The following LRRC37A3 variants were observed in gnomAD, a reference collection of about 807,000 sequenced individuals.
LRRC37A3 encodes the protein leucine rich repeat containing 37 member A3, also known as leucine-rich repeat-containing protein 37A3.
Under a neutral mutation model 106.2 loss-of-function variants are expected in LRRC37A3, and 25 were observed. The observed-to-expected ratio is 0.24, with a 90% CI of 0.17 to 0.33. LRRC37A3 has a LOEUF of 0.33. LRRC37A3 is among the 10% of genes least tolerant of loss of function. LRRC37A3 has a pLI of 1.00. For synonymous variants in LRRC37A3, 305 were observed against 635.8 expected (o/e 0.48, Z 7.83); for missense variants, 712 against 1,644.9 (o/e 0.43, Z 9.81).
intron 2 of LRRC37A3, among the ~76,000 whole-genome samples, chr17:64,904,348 G>A (rs1216629586): frequency 9.8e-5 from 15 of 152,372 alleles, no homozygotes; most frequent in Admixed American, 5.2e-4. Context: ...GGTGGCGCAC[G>A]CCTGTAGTCC....
chr17:64,864,201 C>T (rs1421576274), intron 10 of LRRC37A3, among the ~76,000 whole-genome samples: 3 of 151,982 alleles, frequency 2.0e-5, no homozygotes, highest in Non-Finnish European at 2.9e-5. Context: ...AGGCCATCTG[C>T]GGTTACGAGG....
intron 8 of LRRC37A3, among the ~76,000 whole-genome samples, chr17:64,880,470 G>A (rs1395078601): frequency 6.6e-6 from 1 of 152,164 alleles, no homozygotes; most frequent in East Asian, 1.9e-4. Flanking sequence ...TAGATTCACA[G>A]TAGATGATCA....
At chr17:64,869,273 A>C in intron 8 of LRRC37A3, 107 bp from the exon 9 acceptor site, 1 of 1,570,100 alleles carries the variant, frequency 6.4e-7, no homozygotes, top group Non-Finnish European at 8.6e-7. Flanking sequence ...AAAAAGAAAA[A>C]AATGTTTCCT....
chr17:64,865,894 G>T (rs1973052062), intron 10 of LRRC37A3, among the ~76,000 whole-genome samples: 1 of 152,116 alleles, frequency 6.6e-6, no homozygotes, highest in African/African-American at 2.4e-5. Flanking sequence ...CTTCAATCTA[G>T]AACTGTTCCC....
intron 10 of LRRC37A3, chr17:64,863,251 T>A (rs983395215): frequency 2.5e-5 from 14 of 558,678 alleles, no homozygotes; most frequent in Non-Finnish European, 4.5e-5. Context: ...GGGATTAGAA[T>A]TGGGTGACAG....
chr17:64,865,171 G>T (rs1973018624), intron 10 of LRRC37A3, among the ~76,000 whole-genome samples: 1 of 152,262 alleles, frequency 6.6e-6, no homozygotes, highest in East Asian at 1.9e-4. Context: ...TTGAGGCCAG[G>T]TCTCACTCTG....
intron 8 of LRRC37A3, among the ~76,000 whole-genome samples, chr17:64,869,486 A>G (rs1973230169): frequency 6.6e-6 from 1 of 151,952 alleles, no homozygotes; most frequent in African/African-American, 2.4e-5. Flanking sequence ...CTGACTGCGG[A>G]GGAAACAGTA....
At chr17:64,915,366 A>T (rs1180410123) in intron 2 of LRRC37A3, among the ~76,000 whole-genome samples, 3 of 151,974 alleles carry the variant, frequency 2.0e-5, no homozygotes, top group Admixed American at 6.5e-5. Context: ...AACCATGGCC[A>T]ATCCACTACC....
Position 64,870,370 on chromosome 17 carries a change from C to A in LRRC37A3, c.2907-1204G>T, listed in dbSNP as rs570917391. On this transcript the variant is annotated intron_variant, in intron 8 of 14. Coordinates refer to ENST00000584306, the MANE Select transcript of LRRC37A3 (RefSeq NM_199340.5). Reference sequence around the variant, plus strand: ...TAAAATGAATAAATTGATTTTGATGCAAATTTTTATTCCAAAATGCTGGAA... The same window carrying A: ...TAAAATGAATAAATTGATTTTGATGAAAATTTTTATTCCAAAATGCTGGAA... 2.6e-5 allele frequency among the ~76,000 whole-genome samples: 4 copies of A among 152,128 alleles called. No individual in the cohort carries two copies. The East Asian group carries it at 7.7e-4, about 29-fold the overall frequency.
At chr17:64,872,038 A>G (rs1208770519) in intron 8 of LRRC37A3, among the ~76,000 whole-genome samples, 2 of 149,560 alleles carry the variant, frequency 1.3e-5, no homozygotes, top group Non-Finnish European at 3.0e-5. Flanking sequence ...AGGCTGAGGC[A>G]GGAGAATTGT....
intron 2 of LRRC37A3, chr17:64,909,786 G>C (rs1974543837): frequency 6.6e-6 from 1 of 152,178 alleles, no homozygotes. Context: ...AACTGCTAAG[G>C]AAGTCAAGTG....
At chr17:64,899,597 C>G (rs1328648469) in intron 2 of LRRC37A3, among the ~76,000 whole-genome samples, 1 of 145,626 alleles carries the variant, frequency 6.9e-6, no homozygotes, top group Non-Finnish European at 1.5e-5. Context: ...ACCCAAGATA[C>G]GTGGGAGATA....
At chr17:64,892,448 G>GT (rs1230607179) in intron 5 of LRRC37A3, 81 bp downstream of exon 5, 10 of 638,814 alleles carry the variant, frequency 1.6e-5, no homozygotes, top group Non-Finnish European at 2.6e-5. Context: ...TTCCTCAGAG[G>GT]TACCGACCTC....
intron 8 of LRRC37A3, among the ~76,000 whole-genome samples, chr17:64,884,356 T>C (rs140820146): frequency 6.6e-6 from 1 of 151,492 alleles, no homozygotes; most frequent in Non-Finnish European, 1.5e-5. Flanking sequence ...TGATTATTAT[T>C]ATTATTATTA....
intron 2 of LRRC37A3, among the ~76,000 whole-genome samples, chr17:64,917,324 A>C (rs1272179316): frequency 1.3e-5 from 2 of 151,428 alleles, no homozygotes; most frequent in African/African-American, 2.4e-5. Context: ...CTCTTCATAC[A>C]TTTGCAGGTA....
At chr17:64,878,110 C>T (rs1973575904) in intron 8 of LRRC37A3, among the ~76,000 whole-genome samples, 1 of 152,106 alleles carries the variant, frequency 6.6e-6, no homozygotes, top group Non-Finnish European at 1.5e-5. Context: ...ACAATTTTTT[C>T]CTCTCCAAAC....
At chr17:64,865,342 C>T (rs1395102487) in intron 10 of LRRC37A3, among the ~76,000 whole-genome samples, 1 of 152,176 alleles carries the variant, frequency 6.6e-6, no homozygotes, top group Non-Finnish European at 1.5e-5. Flanking sequence ...TGGGGTTTCA[C>T]CATGTTGTCC....
Position 64,855,835 on chromosome 17 carries a change from T to C in LRRC37A3, c.4859+5A>G. The C allele has an allele frequency of 6.2e-7, 1 of 1,611,682 alleles. No homozygotes were observed. The highest frequency in any genetic ancestry group is 8.5e-7 in the Non-Finnish European group (1 of 1,179,636). On this transcript the variant is annotated splice_donor_5th_base_variant and intron_variant, in intron 14 of 14. Coordinates refer to ENST00000584306, the MANE Select transcript of LRRC37A3 (RefSeq NM_199340.5). ...AGAAAAAAAAATCACCAGACTAATA[T>C]TTACCTTGAGAATCCTTCTTCATCT...
intron 2 of LRRC37A3, among the ~76,000 whole-genome samples, chr17:64,915,844 T>C (rs865777374): frequency 3.3e-4 from 51 of 152,320 alleles, no homozygotes; most frequent in South Asian, 8.3e-4. Flanking sequence ...ATGCCTGTAA[T>C]CCCAGCACTT....
Sources: gnomAD v4.1 joint callset for allele counts (sites outside exome capture counted in the v4.1 genomes callset) on GRCh38, gnomAD v4.1.1 for gene constraint, MANE v1.5 for transcripts, NCBI Gene and HGNC (gene_info 2026-07-23, HGNC 2026-07-21) for gene names.